LRRC45: variants seen among roughly 807,000 people sequenced by gnomAD.
LRRC45 encodes the protein leucine rich repeat containing 45, also known as leucine-rich repeat-containing protein 45.
In LRRC45, 73 loss-of-function variants were observed where a neutral mutation model predicts 85.4. The ratio of observed to expected loss-of-function variants is 0.85; its 90% confidence interval spans 0.71 to 1.04. The LOEUF (loss-of-function observed/expected upper bound fraction) is 1.04. Among genes scored for constraint, LRRC45 ranks in the 50% least tolerant of loss-of-function variants. The pLI, the probability that LRRC45 is intolerant of heterozygous loss-of-function variation, is 0.00. For synonymous variants in LRRC45, 429 were observed against 386.0 expected (o/e 1.11, Z -1.31); for missense variants, 937 against 883.3 (o/e 1.06, Z -0.77).
chr17:82,029,237 A>G, intron 13 of LRRC45, 52 bp downstream of exon 13: 1 of 1,551,574 alleles, frequency 6.4e-7, no homozygotes, highest in East Asian at 2.3e-5. Flanking sequence ...GGGCTGAACA[A>G]GGCAGGGGCC....
At chr17:82,026,227 GA>G (rs1303428204) in intron 5 of LRRC45, among the ~76,000 whole-genome samples, 1 of 152,210 alleles carries the variant, frequency 6.6e-6, no homozygotes, top group Non-Finnish European at 1.5e-5. Flanking sequence ...TTCCAGAACT[GA>G]GCTGGGCACA....
rs1425227293 is a variant in LRRC45 at position 82,030,448 on chromosome 17, C to G, written c.1798C>G (p.Leu600Val). 1 of 1,546,430 alleles carries G rather than the reference C, an allele frequency of 6.5e-7. No individual in the cohort carries two copies. Among genetic ancestry groups the G allele is most frequent in the South Asian group, 1.2e-5 (1 of 84,022 alleles). The change falls in exon 16 of 17, where the codon CTG (leucine) becomes GTG (valine). Residue 600 changes from leucine to valine, a missense_variant. Coordinates refer to ENST00000306688, the MANE Select transcript of LRRC45 (RefSeq NM_144999.4). ...QEALREKAAA[L>V]ERQLKVMASD... ...GGCGCTGAGGGAGAAGGCGGCGGCCCTGGAGCGCCAGCTGAAAGGTGAGCC... is the reference window on the plus strand; with the variant it reads ...GGCGCTGAGGGAGAAGGCGGCGGCCGTGGAGCGCCAGCTGAAAGGTGAGCC...
Position 82,024,767 on chromosome 17 carries a change from GGTGGTGGTCC to G in LRRC45, c.353+5_353+14del. On this transcript the variant is annotated splice_donor_5th_base_variant and intron_variant, in intron 3 of 16. Coordinates refer to ENST00000306688, the MANE Select transcript of LRRC45 (RefSeq NM_144999.4). ...AACAGAACAAGTCCATTCAGAGGTG[GGTGGTGGTCC>G]CGACCCCAGGCCCTGTCTCTGTGTG... 6.3e-7 allele frequency: 1 copy of G among 1,575,848 alleles called. No individual in the cohort carries two copies. The highest frequency in any genetic ancestry group is 8.6e-7 in the Non-Finnish European group (1 of 1,165,206).
chr17:82,025,529 A>G, intron 5 of LRRC45, 22 bp downstream of exon 5: 1 of 1,537,354 alleles, frequency 6.5e-7, no homozygotes, highest in Non-Finnish European at 8.8e-7. Context: ...GGCTGTGTGG[A>G]GTGACGCGTG....
intron 1 of LRRC45, 69 bp downstream of exon 1, chr17:82,023,932 G>C: frequency 7.1e-7 from 1 of 1,411,784 alleles, no homozygotes; most frequent in Non-Finnish European, 9.6e-7. Flanking sequence ...GGCAGCCCGA[G>C]GTCGCTTCCT....
intron 12 of LRRC45, 71 bp from the exon 13 acceptor site, chr17:82,029,021 TG>T: frequency 7.3e-7 from 1 of 1,369,384 alleles, no homozygotes. Flanking sequence ...CCTTTCAGGG[TG>T]GGGAGTCCGT....
At chr17:82,030,272 G>A in intron 15 of LRRC45, 34 bp downstream of exon 15, 2 of 1,538,986 alleles carry the variant, frequency 1.3e-6, no homozygotes, top group Non-Finnish European at 1.8e-6. Flanking sequence ...CCCCGGGCGT[G>A]CTAGCCCCCA....
Position 82,024,734 on chromosome 17 carries a change from A to T in LRRC45, c.324A>T (p.Lys108Asn). 6.4e-7 allele frequency: 1 copy of T among 1,574,712 alleles called. No homozygotes were observed. Among genetic ancestry groups the T allele is most frequent in the Non-Finnish European group, 8.6e-7 (1 of 1,164,520 alleles). ...CTGCAGGGGCCGAGGCTCTGGGAAAACTCCTCCAACAGAACAAGTCCATTC... is the reference window on the plus strand; with the variant it reads ...CTGCAGGGGCCGAGGCTCTGGGAAATCTCCTCCAACAGAACAAGTCCATTC... ...LRAAGAEALGKLLQQNKSIQS... is the reference protein window; with the variant it reads ...LRAAGAEALGNLLQQNKSIQS... Residue 108 changes from lysine to asparagine, a missense_variant, in exon 3 of 17, where the codon AAA becomes AAT. Transcript: ENST00000306688.
chr17:82,023,562 C>T lies in LRRC45; in HGVS notation c.-82C>T, dbSNP rs1377887668. Reference sequence around the variant, plus strand: ...CGGAGGCCCCGTCTCCTGTACCCGGCGCTGGGACTGCTCCGCACCGCGCGG... The same window carrying T: ...CGGAGGCCCCGTCTCCTGTACCCGGTGCTGGGACTGCTCCGCACCGCGCGG... On this transcript the variant is annotated 5_prime_UTR_variant, in exon 1 of 17. Transcript: ENST00000306688. The T allele has an allele frequency of 7.8e-7, 1 of 1,276,476 alleles. No individual in the cohort carries two copies. Among genetic ancestry groups the T allele is most frequent in the Non-Finnish European group, 1.0e-6 (1 of 956,694 alleles). 79.1% of individuals were successfully genotyped at this position (1,276,476 alleles called of 1,614,324 possible).
In LRRC45 at chr17:82,030,300, C is replaced by T. The variant is rs1441975322; in HGVS notation, c.1669-19C>T. 1.3e-6 allele frequency: 2 copies of T among 1,546,930 alleles called. No individual in the cohort carries two copies. Among genetic ancestry groups the T allele is most frequent in the South Asian group, 1.2e-5 (1 of 83,952 alleles). On this transcript the variant is annotated intron_variant, in intron 15 of 16. Transcript: ENST00000306688. ...AGCCCCCAACCCTCGCCTCACTCCC[C>T]AGCCTTCGTGCCTGGCAGGAGCTGA...
In LRRC45 at chr17:82,023,740, G is replaced by C. The variant is rs1224949189; in HGVS notation, c.97G>C (p.Gly33Arg). The change falls in exon 1 of 17, where the codon GGC becomes CGC. Residue 33 changes from glycine to arginine, a missense_variant. Coordinates refer to ENST00000306688, the MANE Select transcript of LRRC45 (RefSeq NM_144999.4). ...VLQQLHQLPR[G>R]RLDLATQSLT... is the part of the protein sequence containing the mutation. The stretch of plus-strand genomic sequence containing the variant: ...GCAGCAGCTGCACCAGCTTCCCAGG[G>C]GCCGGCTGGACCTGGCCACGCAAAG... 2.6e-6 allele frequency: 4 copies of C among 1,551,816 alleles called. No individual in the cohort carries two copies. The highest frequency in any genetic ancestry group is 3.5e-6 in the Non-Finnish European group (4 of 1,152,198).
rs772305865 is a variant in LRRC45, at chr17:82,029,156, C to T, written c.1372C>T (p.Leu458=). The T allele has an allele frequency of 4.5e-5, 72 of 1,612,028 alleles. No homozygotes were observed. The Admixed American group carries it at 1.2e-3, about 27-fold the overall frequency. Residue 458 remains leucine (L), a synonymous_variant, in exon 13 of 17, where the codon CTG becomes TTG. Coordinates refer to ENST00000306688, the MANE Select transcript of LRRC45 (RefSeq NM_144999.4). ...GGCCATGCAGGAGCGGGTGCAGAGG[C>T]TGGAGGCGGCGCGGCTGTCCCTGGA... ...EKAMQERVQR[L]EAARLSLEEE...
chr17:82,028,746 C>A, intron 12 of LRRC45, 63 bp downstream of exon 12: 1 of 1,517,268 alleles, frequency 6.6e-7, no homozygotes, highest in East Asian at 2.4e-5. Flanking sequence ...GCAGGTGTCC[C>A]CAAAGCACAC....
chr17:82,025,975 G>C (rs964836085), intron 5 of LRRC45, among the ~76,000 whole-genome samples: 15 of 152,176 alleles, frequency 9.9e-5, no homozygotes, highest in African/African-American at 3.4e-4. Flanking sequence ...CCTTGCAGCT[G>C]ATGTCTCAGC....
chr17:82,024,863 C>T, intron 3 of LRRC45, 100 bp downstream of exon 3: 1 of 1,446,450 alleles, frequency 6.9e-7, no homozygotes, highest in Non-Finnish European at 9.2e-7. Context: ...TGCCAGGTGC[C>T]CATGTTTCAC....
At chr17:82,024,563 C>G in intron 2 of LRRC45, 130 bp from the exon 3 acceptor site, 1 of 1,148,616 alleles carries the variant, frequency 8.7e-7, no homozygotes, top group Non-Finnish European at 1.2e-6. Flanking sequence ...GACAGGGAGC[C>G]CAGGAGCTGA....
At position 82,027,705 on chromosome 17, in the gene LRRC45, GA is replaced by G. The variant is rs746700777; in HGVS notation, c.867del (p.Ala290ProfsTer2). On this transcript the variant is annotated frameshift_variant, in exon 8 of 17. Transcript: ENST00000306688. LOFTEE classifies it high-confidence loss of function. ...ASAARVGQLQ[E>X]ALNERHSIIN... is the part of the protein sequence containing the mutation. ...GGCAGCCCGTGTAGGGCAGCTTCAGGAAGCCCTGAATGAGAGGCACTCCATC... is the reference window on the plus strand; with the variant it reads ...GGCAGCCCGTGTAGGGCAGCTTCAGGAGCCCTGAATGAGAGGCACTCCATC... 6.2e-7 allele frequency: 1 copy of G among 1,611,036 alleles called. No individual in the cohort carries two copies. The highest frequency in any genetic ancestry group is 1.1e-5 in the South Asian group (1 of 90,728).
At chr17:82,028,767 A>T in intron 12 of LRRC45, 84 bp downstream of exon 12, 2 of 1,430,002 alleles carry the variant, frequency 1.4e-6, no homozygotes, top group Non-Finnish European at 1.9e-6. Context: ...ACCTGGTGGG[A>T]GCTTCCCTTG....
intron 3 of LRRC45, 48 bp from the exon 4 acceptor site, chr17:82,024,952 G>A (rs369696939): frequency 8.1e-6 from 12 of 1,487,564 alleles, no homozygotes; most frequent in South Asian, 1.3e-5. Flanking sequence ...TGGACCCCAC[G>A]GGCTAGGCAG....
Sources: allele counts gnomAD v4.1 joint callset (sites outside exome capture counted in the v4.1 genomes callset), GRCh38; gene constraint gnomAD v4.1.1; transcripts MANE v1.5; gene names NCBI Gene and HGNC (gene_info 2026-07-23, HGNC 2026-07-21).